SLC35F3: variants seen among roughly 807,000 people sequenced by gnomAD.
SLC35F3 encodes the protein putative thiamine transporter SLC35F3.
A neutral mutation model predicts 49.9 loss-of-function variants in SLC35F3; 25 were observed. The observed-to-expected ratio is 0.50, with a 90% CI of 0.37 to 0.70. The LOEUF is 0.70. Ranked by LOEUF, SLC35F3 falls within the 30% of genes least tolerant of loss-of-function variation. The pLI, the probability that SLC35F3 is intolerant of heterozygous loss-of-function variation, is 0.00. For missense variants in SLC35F3, 525 were observed against 639.8 expected (o/e 0.82, Z 1.94); for synonymous variants, 275 against 265.4 (o/e 1.04, Z -0.35).
At chr1:234,212,882 T>C (rs1014128750) in intron 2 of SLC35F3, 2 of 151,874 alleles carry the variant, frequency 1.3e-5, no homozygotes, top group East Asian at 3.9e-4. Context: ...TCACTAGGAG[T>C]CTTGGAACGT....
chr1:233,977,282 T>A (rs1663107488), intron 2 of SLC35F3, among the ~76,000 whole-genome samples: 1 of 152,208 alleles, frequency 6.6e-6, no homozygotes, highest in Non-Finnish European at 1.5e-5. Context: ...TGCAAGTAAT[T>A]TTATTAGAGA....
rs755697641 is a variant in SLC35F3, at chr1:234,103,017, G to A, written c.284-128400G>A. 2.6e-5 allele frequency among the ~76,000 whole-genome samples: 4 copies of A among 152,172 alleles called. No homozygotes were observed. In the South Asian group the frequency reaches 8.3e-4, roughly 31 times the overall value. On this transcript the variant is annotated intron_variant, in intron 2 of 7. Coordinates refer to ENST00000366618, the MANE Select transcript of SLC35F3 (RefSeq NM_173508.4). The stretch of plus-strand genomic sequence containing the variant: ...AAGTTCAGTGTCACTCTACACAGAC[G>A]TTCAAGTGCTTTGGGAAAAAAACCA...
intron 2 of SLC35F3, among the ~76,000 whole-genome samples, chr1:233,955,344 T>A (rs899331829): frequency 6.6e-6 from 1 of 152,146 alleles, no homozygotes; most frequent in Admixed American, 6.5e-5. Context: ...TATCTTTTTC[T>A]CTGAAACTGC....
At chr1:234,045,300 GC>G (rs1200408048) in intron 2 of SLC35F3, among the ~76,000 whole-genome samples, 1 of 152,086 alleles carries the variant, frequency 6.6e-6, no homozygotes, top group East Asian at 1.9e-4. Flanking sequence ...TATTTACCAT[GC>G]TTCAGCTTGT....
chr1:234,156,474 G>C (rs149201752), intron 2 of SLC35F3, among the ~76,000 whole-genome samples: 668 of 152,284 alleles, frequency 4.4e-3, no homozygotes, highest in Middle Eastern at 0.014. Flanking sequence ...ATGTTGGTGA[G>C]GATGAGGAGT....
chr1:234,033,232 G>A (rs1023759729), intron 2 of SLC35F3, among the ~76,000 whole-genome samples: 3 of 152,064 alleles, frequency 2.0e-5, no homozygotes, highest in African/African-American at 2.4e-5. Flanking sequence ...ATTTGTTTGA[G>A]TTCTTTGTAG....
chr1:234,226,955 A>G (rs1572103600), intron 2 of SLC35F3, among the ~76,000 whole-genome samples: 1 of 141,702 alleles, frequency 7.1e-6, no homozygotes, highest in South Asian at 2.2e-4. Flanking sequence ...GCGTGCGCGC[A>G]CGCGTGCACA....
At chr1:234,204,647 A>G (rs1666945548) in intron 2 of SLC35F3, among the ~76,000 whole-genome samples, 1 of 152,196 alleles carries the variant, frequency 6.6e-6, no homozygotes, top group African/African-American at 2.4e-5. Context: ...GGAACAAACC[A>G]TGTATACATT....
intron 3 of SLC35F3, among the ~76,000 whole-genome samples, chr1:234,297,234 C>T (rs1057303202): frequency 1.3e-5 from 2 of 152,180 alleles, no homozygotes; most frequent in Non-Finnish European, 2.9e-5. Flanking sequence ...CCATGGAAAA[C>T]AGTATGGAGA....
intron 2 of SLC35F3, among the ~76,000 whole-genome samples, chr1:234,150,751 A>T (rs1417846085): frequency 1.3e-5 from 2 of 152,204 alleles, no homozygotes; most frequent in South Asian, 4.1e-4. Context: ...ACAAAAGCCC[A>T]GGAACATTTG....
At chr1:234,092,727 C>T (rs1433219822) in intron 2 of SLC35F3, among the ~76,000 whole-genome samples, 1 of 151,900 alleles carries the variant, frequency 6.6e-6, no homozygotes, top group Non-Finnish European at 1.5e-5. Flanking sequence ...ATTAGCTGGG[C>T]ATGGTTGGTG....
chr1:234,079,702 TATC>T (rs1664846112), intron 2 of SLC35F3, among the ~76,000 whole-genome samples: 1 of 152,206 alleles, frequency 6.6e-6, no homozygotes, highest in Non-Finnish European at 1.5e-5. Flanking sequence ...CACAATGAAA[TATC>T]ATTTTCCACC....
intron 2 of SLC35F3, among the ~76,000 whole-genome samples, chr1:234,032,444 C>G (rs551720262): frequency 4.6e-5 from 7 of 152,068 alleles, no homozygotes; most frequent in Non-Finnish European, 1.0e-4. Context: ...GTGGTGATCT[C>G]TGTGATTTTG....
At chr1:234,109,728 G>C (rs541291660) in intron 2 of SLC35F3, among the ~76,000 whole-genome samples, 182 of 152,326 alleles carry the variant, frequency 1.2e-3, no homozygotes, top group African/African-American at 4.2e-3. Context: ...TAGGGAGAGG[G>C]GGAGGACAAA....
At chr1:234,274,829 A>G (rs1161654091) in intron 3 of SLC35F3, among the ~76,000 whole-genome samples, 2 of 152,196 alleles carry the variant, frequency 1.3e-5, no homozygotes, top group African/African-American at 4.8e-5. Flanking sequence ...CAAGGACTCT[A>G]TTTCTGTCTT....
At chr1:234,144,102 G>A (rs1665960879) in intron 2 of SLC35F3, among the ~76,000 whole-genome samples, 2 of 152,216 alleles carry the variant, frequency 1.3e-5, no homozygotes, top group South Asian at 2.1e-4. Flanking sequence ...GAGACGGGGT[G>A]TAGCAGGGGA....
At chr1:233,978,796 G>A (rs1663133098) in intron 2 of SLC35F3, among the ~76,000 whole-genome samples, 2 of 152,140 alleles carry the variant, frequency 1.3e-5, no homozygotes, top group African/African-American at 4.8e-5. Flanking sequence ...TTGGGAGGCC[G>A]AGGCGGGCGG....
intron 2 of SLC35F3, among the ~76,000 whole-genome samples, chr1:234,013,161 AG>A (rs1302244781): frequency 6.6e-6 from 1 of 152,234 alleles, no homozygotes; most frequent in Non-Finnish European, 1.5e-5. Context: ...GTATCAAACT[AG>A]AAATCAATAA....
chr1:234,172,294 C>T (rs1401840173), intron 2 of SLC35F3, among the ~76,000 whole-genome samples: 2 of 152,168 alleles, frequency 1.3e-5, no homozygotes, highest in Non-Finnish European at 2.9e-5. Context: ...AGTGCAGTGG[C>T]ACAATCTTGG....
Sources: allele counts gnomAD v4.1 joint callset (sites outside exome capture counted in the v4.1 genomes callset), GRCh38; gene constraint gnomAD v4.1.1; transcripts MANE v1.5; gene names NCBI Gene and HGNC (gene_info 2026-07-23, HGNC 2026-07-21).